The following SLC24A2 variants were observed in gnomAD, a reference collection of about 807,000 sequenced individuals.
The protein encoded by SLC24A2 is sodium/potassium/calcium exchanger 2.
In SLC24A2, 36 loss-of-function variants were observed where a neutral mutation model predicts 62.0. The observed-to-expected ratio is 0.58, with a 90% CI of 0.44 to 0.77. The LOEUF (loss-of-function observed/expected upper bound fraction) is 0.77. Ranked by LOEUF, SLC24A2 falls within the 30% of genes least tolerant of loss-of-function variation. The probability of loss-of-function intolerance (pLI) is 0.00; values close to 1 mark genes in which losing one functional copy is unlikely to be tolerated. For missense variants in SLC24A2, 846 were observed against 817.9 expected, an observed-to-expected ratio of 1.03 and a Z score of -0.42; for synonymous variants, 358 against 294.0, an observed-to-expected ratio of 1.22 and a Z score of -2.23.
At chr9:19,701,792 A>G (rs1820363488) in intron 2 of SLC24A2, among the ~76,000 whole-genome samples, 5 of 152,194 alleles carry the variant, frequency 3.3e-5, no homozygotes, top group Admixed American at 2.6e-4. Context: ...CACTATGCTG[A>G]AATCAATCAT....
the SLC24A2 span, among the ~76,000 whole-genome samples, chr9:19,850,536 C>A: frequency 6.6e-6 from 1 of 152,068 alleles, no homozygotes; most frequent in East Asian, 1.9e-4. Context: ...CTTGGCCATT[C>A]ATAAAGTTGC....
chr9:19,834,826 A>T, the SLC24A2 span, among the ~76,000 whole-genome samples: 1 of 152,200 alleles, frequency 6.6e-6, no homozygotes, highest in South Asian at 2.1e-4. Context: ...AGCCAGAGAG[A>T]AAGGTCGGGT....
At chr9:19,791,668 T>C (rs943596152), upstream of SLC24A2, among the ~76,000 whole-genome samples, 3 of 152,172 alleles carry the variant, frequency 2.0e-5, no homozygotes, top group African/African-American at 4.8e-5. Flanking sequence ...AGCAGAGGAA[T>C]TGAATAACAA....
chr9:19,773,542 T>C (rs1351814372), intron 2 of SLC24A2, among the ~76,000 whole-genome samples: 1 of 152,196 alleles, frequency 6.6e-6, no homozygotes, highest in Non-Finnish European at 1.5e-5. Context: ...GTTTAATACA[T>C]AAAACACTAC....
the SLC24A2 span, among the ~76,000 whole-genome samples, chr9:20,089,189 G>A: frequency 6.6e-6 from 1 of 152,084 alleles, no homozygotes; most frequent in East Asian, 1.9e-4. Flanking sequence ...GAGTCTGCAG[G>A]GACCAGAAAC....
At chr9:19,717,401 G>A (rs182107118) in intron 2 of SLC24A2, among the ~76,000 whole-genome samples, 9 of 152,278 alleles carry the variant, frequency 5.9e-5, no homozygotes, top group Non-Finnish European at 1.2e-4. Context: ...GAAATGGTTA[G>A]GTAAGTTTAG....
the SLC24A2 span, among the ~76,000 whole-genome samples, chr9:19,795,572 A>C: frequency 6.6e-6 from 1 of 152,192 alleles, no homozygotes; most frequent in East Asian, 1.9e-4. Context: ...TGTTTTTTAA[A>C]GTTTTTTTTT....
At chr9:19,724,117 C>T (rs746545059) in intron 2 of SLC24A2, among the ~76,000 whole-genome samples, 5 of 152,190 alleles carry the variant, frequency 3.3e-5, no homozygotes, top group Non-Finnish European at 7.4e-5. Flanking sequence ...AATACTGACA[C>T]ATTTGTTCCA....
chr9:19,674,229 GA>G (rs1411469223), intron 2 of SLC24A2, among the ~76,000 whole-genome samples: 1 of 152,172 alleles, frequency 6.6e-6, no homozygotes, highest in Non-Finnish European at 1.5e-5. Context: ...TTTCTGCTGA[GA>G]AATCTGTTGT....
rs540449361 is a variant in SLC24A2 at position 19,543,220 on chromosome 9, G to A, written c.1479+6917C>T. Among the ~76,000 whole-genome samples the A allele has an allele frequency of 3.3e-5, 5 of 152,264 alleles. No homozygotes were observed. In the East Asian group the frequency reaches 7.7e-4, roughly 23 times the overall value. ...GATTTTCTGGTTTATTTGCATAGAG[G>A]TGTTTATAGTATTCTCTGATGGTAG... is the stretch of plus-strand genomic sequence containing the variant. On this transcript the variant is annotated intron_variant, in intron 8 of 10. Coordinates refer to ENST00000341998, the MANE Select transcript of SLC24A2 (RefSeq NM_020344.4).
intron 9 of SLC24A2, among the ~76,000 whole-genome samples, chr9:19,522,111 C>A (rs534022511): frequency 6.6e-6 from 1 of 152,150 alleles, no homozygotes; most frequent in Non-Finnish European, 1.5e-5. Context: ...TGGGCTCAAG[C>A]GATCTTCCAA....
At chr9:19,611,040 G>A (rs1837144912) in intron 4 of SLC24A2, among the ~76,000 whole-genome samples, 1 of 152,176 alleles carries the variant, frequency 6.6e-6, no homozygotes, top group African/African-American at 2.4e-5. Flanking sequence ...GAGGGAGAGT[G>A]AGAACTCGGA....
At chr9:20,265,941 C>G in the SLC24A2 span, among the ~76,000 whole-genome samples, 1 of 152,158 alleles carries the variant, frequency 6.6e-6, no homozygotes, top group Admixed American at 6.5e-5. Flanking sequence ...GCCTCAGTCT[C>G]CCATAGCACT....
At chr9:20,211,567 G>A in the SLC24A2 span, among the ~76,000 whole-genome samples, 2 of 152,094 alleles carry the variant, frequency 1.3e-5, no homozygotes, top group Admixed American at 1.3e-4. Context: ...TAGAGACTTG[G>A]AGTATTGAAA....
intron 2 of SLC24A2, among the ~76,000 whole-genome samples, chr9:19,696,454 GCCATGCTTGT>G (rs1304157628): frequency 1.3e-5 from 2 of 152,228 alleles, no homozygotes; most frequent in East Asian, 3.9e-4. Context: ...CACTCTGTAC[GCCATGCTTGT>G]CCTTGGCTGT....
chr9:19,581,730 T>C (rs1836216431), intron 5 of SLC24A2, among the ~76,000 whole-genome samples: 1 of 152,192 alleles, frequency 6.6e-6, no homozygotes, highest in Non-Finnish European at 1.5e-5. Flanking sequence ...TGCTCAGATA[T>C]TTCAGGCACA....
chr9:20,261,463 A>T, the SLC24A2 span, among the ~76,000 whole-genome samples: 1 of 152,044 alleles, frequency 6.6e-6, no homozygotes, highest in African/African-American at 2.4e-5. Flanking sequence ...GCTTTATAAC[A>T]GCCCACTCTC....
chr9:19,681,870 A>G (rs1256241370), intron 2 of SLC24A2, among the ~76,000 whole-genome samples: 1 of 152,202 alleles, frequency 6.6e-6, no homozygotes, highest in Non-Finnish European at 1.5e-5. Context: ...GACTCATTCA[A>G]TTAACCTTTA....
intron 2 of SLC24A2, among the ~76,000 whole-genome samples, chr9:19,675,242 G>A (rs1193156525): frequency 2.6e-5 from 4 of 152,210 alleles, no homozygotes; most frequent in African/African-American, 9.7e-5. Flanking sequence ...ACCAGCACCT[G>A]CTCCAGTGGA....
Sources: allele counts gnomAD v4.1 joint callset (sites outside exome capture counted in the v4.1 genomes callset), GRCh38; gene constraint gnomAD v4.1.1; transcripts MANE v1.5; gene names NCBI Gene and HGNC (gene_info 2026-07-23, HGNC 2026-07-21).